Variants in RAD54B observed in about 807,000 individuals in gnomAD.
The protein encoded by RAD54B is DNA repair and recombination protein RAD54B.
In RAD54B, 78 loss-of-function variants were observed where a neutral mutation model predicts 95.8. That is an observed-to-expected ratio of 0.81 (90% CI 0.68 to 0.98). RAD54B has a LOEUF of 0.98. Among genes scored for constraint, RAD54B ranks in the 50% least tolerant of loss-of-function variants. The pLI is 0.00. For synonymous variants in RAD54B, 328 were observed against 354.9 expected, an observed-to-expected ratio of 0.92 and a Z score of 0.85; for missense variants, 957 against 1,056.6, an observed-to-expected ratio of 0.91 and a Z score of 1.31.
At chr8:94,443,745 A>C (rs535018058) in intron 3 of RAD54B, among the ~76,000 whole-genome samples, 1 of 152,000 alleles carries the variant, frequency 6.6e-6, no homozygotes, top group South Asian at 2.1e-4. Flanking sequence ...TGAGTTCCAG[A>C]AACCCTCTTT....
At chr8:94,419,859 G>A (rs1407371236) in intron 3 of RAD54B, among the ~76,000 whole-genome samples, 3 of 151,708 alleles carry the variant, frequency 2.0e-5, no homozygotes, top group South Asian at 4.2e-4. Flanking sequence ...TTAGTATACA[G>A]TCATGTACCA....
chr8:94,436,807 A>G, intron 3 of RAD54B: 1 of 1,548,564 alleles, frequency 6.5e-7, no homozygotes, highest in Non-Finnish European at 8.7e-7. Flanking sequence ...TGGCTTCACA[A>G]GCTTTAGCAA....
chr8:94,381,316 A>G (rs918231277), intron 11 of RAD54B, among the ~76,000 whole-genome samples: 2 of 152,194 alleles, frequency 1.3e-5, no homozygotes, highest in Admixed American at 6.5e-5. Context: ...GGAGTCCCCA[A>G]ATTTAAAAGC....
At chr8:94,420,236 G>A (rs958358774) in intron 3 of RAD54B, among the ~76,000 whole-genome samples, 7 of 149,026 alleles carry the variant, frequency 4.7e-5, no homozygotes, top group Non-Finnish European at 1.0e-4. Context: ...TAGTAAAAGC[G>A]CCAAAGAAAA....
chr8:94,379,955 C>A (rs968994439), intron 12 of RAD54B, among the ~76,000 whole-genome samples, 190 bp downstream of exon 12: 1 of 152,146 alleles, frequency 6.6e-6, no homozygotes, highest in Non-Finnish European at 1.5e-5. Flanking sequence ...TAAAATGGGA[C>A]TACTAATATC....
chr8:94,381,618 G>A (rs1810742890), intron 11 of RAD54B, among the ~76,000 whole-genome samples: 1 of 152,012 alleles, frequency 6.6e-6, no homozygotes, highest in South Asian at 2.1e-4. Flanking sequence ...GAACAATCAA[G>A]AATTAGAAAA....
intron 12 of RAD54B, among the ~76,000 whole-genome samples, chr8:94,379,118 C>G (rs148534668): frequency 0.014 from 2,169 of 152,292 alleles, 25 homozygotes; most frequent in Non-Finnish European, 0.021. Flanking sequence ...AAATAAAAAT[C>G]TGGCCTTCAA....
intron 5 of RAD54B, among the ~76,000 whole-genome samples, chr8:94,407,115 TCTC>T (rs1008620586): frequency 1.3e-5 from 2 of 152,270 alleles, no homozygotes; most frequent in Middle Eastern, 6.8e-3. Context: ...TACTAATTTC[TCTC>T]CTTACTAAAA....
intron 2 of RAD54B, among the ~76,000 whole-genome samples, chr8:94,463,204 A>T (rs572558322): frequency 7.1e-6 from 1 of 140,014 alleles, no homozygotes; most frequent in East Asian, 2.1e-4. Context: ...AAATAAATAA[A>T]TAATAAATAT....
At chr8:94,448,991 T>A (rs1270931947) in intron 3 of RAD54B, among the ~76,000 whole-genome samples, 2 of 152,038 alleles carry the variant, frequency 1.3e-5, no homozygotes, top group Non-Finnish European at 2.9e-5. Context: ...TATATTACCA[T>A]TTTACTGTCT....
At chr8:94,409,775 C>T (rs1424372037) in intron 4 of RAD54B, among the ~76,000 whole-genome samples, 2 of 152,090 alleles carry the variant, frequency 1.3e-5, no homozygotes, top group Non-Finnish European at 2.9e-5. Context: ...TTATAAACTA[C>T]ACATATGCAA....
At chr8:94,430,585 C>T (rs1389284080) in intron 3 of RAD54B, 1 of 635,990 alleles carries the variant, frequency 1.6e-6, no homozygotes. Context: ...AACAAGTTCT[C>T]AAGTGATGCT....
chr8:94,388,642 A>T (rs1168607629), intron 10 of RAD54B, among the ~76,000 whole-genome samples: 1 of 152,216 alleles, frequency 6.6e-6, no homozygotes, highest in South Asian at 2.1e-4. Flanking sequence ...CTTTAAGGGC[A>T]GTGAATCCTA....
intron 3 of RAD54B, among the ~76,000 whole-genome samples, chr8:94,448,597 A>G (rs911674518): frequency 2.6e-5 from 4 of 152,072 alleles, no homozygotes; most frequent in African/African-American, 9.7e-5. Context: ...GTCATTTGCC[A>G]CAACATGGAA....
At chr8:94,412,276 T>C (rs905589259) in intron 3 of RAD54B, among the ~76,000 whole-genome samples, 8 of 152,106 alleles carry the variant, frequency 5.3e-5, no homozygotes, top group African/African-American at 1.9e-4. Flanking sequence ...ATTCATCCAT[T>C]GATGGACACT....
rs1480838278 is a variant in RAD54B at position 94,378,245 on chromosome 8, TC to T, written c.2449del (p.Glu817LysfsTer47). 3.1e-6 allele frequency: 5 copies of T among 1,613,294 alleles called. No homozygotes were observed. The Admixed American group carries it at 5.0e-5, about 16-fold the overall frequency. On this transcript the variant is annotated frameshift_variant, in exon 14 of 15. Coordinates refer to ENST00000336148, the MANE Select transcript of RAD54B (RefSeq NM_012415.3). LOFTEE classifies it high-confidence loss of function. ...EELKNLFTLHESSDCVTHDLL... is the reference protein window; with the variant it reads ...EELKNLFTLHXSSDCVTHDLL... ...ATCATGAGTAACACAATCTGAACTT[TC>T]ATGTAATGTGAACAAATTTTTAAGT...
rs955748092 is a variant in RAD54B at position 94,404,147 on chromosome 8, G to A, written c.874C>T (p.Leu292Phe). The change falls in exon 6 of 15, where the codon CTT (leucine) becomes TTT (phenylalanine). Residue 292 changes from leucine (L) to phenylalanine (F), a missense_variant. Leu to Phe is a conservative substitution (Grantham distance 22, BLOSUM62 0). Transcript: ENST00000336148. ...PLVDVVIDPY[L>F]VYHLRPHQKE... ...TGATGTGGTCGAAGATGATATACAA[G>A]GTAAGGATCAATCACTACATCCACA... The A allele has an allele frequency of 8.7e-6, 14 of 1,610,452 alleles. No homozygotes were observed. The African/African-American group carries it at 1.6e-4, about 18-fold the overall frequency.
chr8:94,392,385 C>G (rs1386787876), intron 9 of RAD54B, among the ~76,000 whole-genome samples: 1 of 151,996 alleles, frequency 6.6e-6, no homozygotes, highest in Admixed American at 6.5e-5. Flanking sequence ...CCTCAGCCTC[C>G]TGAGTAGCTG....
chr8:94,456,680 A>C (rs1046033610), intron 3 of RAD54B, among the ~76,000 whole-genome samples: 7 of 152,180 alleles, frequency 4.6e-5, no homozygotes, highest in African/African-American at 1.7e-4. Flanking sequence ...TTTAACTGGG[A>C]CATACAGATT....
Sources: gnomAD v4.1 joint callset for allele counts (sites outside exome capture counted in the v4.1 genomes callset) on GRCh38, gnomAD v4.1.1 for gene constraint, MANE v1.5 for transcripts, NCBI Gene and HGNC (gene_info 2026-07-23, HGNC 2026-07-21) for gene names.